Variants in FOXP2 observed in about 807,000 individuals in gnomAD.
FOXP2 encodes forkhead box protein P2.
Under a neutral mutation model 115.8 loss-of-function variants are expected in FOXP2, and 12 were observed. The ratio of observed to expected loss-of-function variants is 0.10; its 90% confidence interval spans 0.07 to 0.17. The LOEUF is 0.17. FOXP2 is among the 10% of genes least tolerant of loss of function. FOXP2 has a pLI of 1.00. For synonymous variants in FOXP2, 328 were observed against 297.7 expected (o/e 1.10, Z -1.05); for missense variants, 629 against 843.5 (o/e 0.75, Z 3.15).
chr7:114,594,865 AT>A (rs1349548220), intron 3 of FOXP2, among the ~76,000 whole-genome samples: 2 of 151,938 alleles, frequency 1.3e-5, no homozygotes, highest in Middle Eastern at 3.2e-3. Flanking sequence ...CTGAATATAT[AT>A]TTTTTTATAT....
At chr7:114,188,695 T>A (rs1232500542) in intron 1 of FOXP2, among the ~76,000 whole-genome samples, 1 of 152,166 alleles carries the variant, frequency 6.6e-6, no homozygotes, top group African/African-American at 2.4e-5. Context: ...GCTCAGGTGA[T>A]CTTCCCACCT....
At chr7:114,682,892 G>A (rs867961222) in intron 16 of FOXP2, among the ~76,000 whole-genome samples, 1 of 152,134 alleles carries the variant, frequency 6.6e-6, no homozygotes, top group South Asian at 2.1e-4. Flanking sequence ...CAATTTATAG[G>A]CATAGGTACT....
intron 1 of FOXP2, among the ~76,000 whole-genome samples, chr7:114,167,319 T>C (rs1793008729): frequency 6.6e-6 from 1 of 152,222 alleles, no homozygotes; most frequent in Non-Finnish European, 1.5e-5. Flanking sequence ...TGCTAAGTGA[T>C]TGAAGCTATA....
intron 1 of FOXP2, among the ~76,000 whole-genome samples, chr7:114,165,704 G>A (rs1419472679): frequency 6.6e-6 from 1 of 152,116 alleles, no homozygotes; most frequent in Non-Finnish European, 1.5e-5. Flanking sequence ...AAGTTGATAT[G>A]TATATTCAAC....
Position 114,128,970 on chromosome 7 carries a change from C to T in FOXP2, c.-246-33974C>T, listed in dbSNP as rs907602324. 1.6e-3 allele frequency among the ~76,000 whole-genome samples: 243 copies of T among 152,180 alleles called. 1 individual carries two copies. Among genetic ancestry groups the T allele is most frequent in the African/African-American group, 5.5e-3 (228 of 41,542 alleles). On this transcript the variant is annotated intron_variant, in intron 1 of 19. Coordinates refer to the FOXP2 transcript ENST00000635638. ...CTATTTCTTATTAGGACATAAAAAA[C>T]ACTCTCTGTGCTTCCTTTGGCTGCA... is the stretch of plus-strand genomic sequence containing the variant.
chr7:114,454,537 A>G (rs1406778154), intron 2 of FOXP2, among the ~76,000 whole-genome samples: 2 of 150,948 alleles, frequency 1.3e-5, no homozygotes, highest in Non-Finnish European at 2.9e-5. Context: ...CCAAAGGACT[A>G]TAAATCATGC....
chr7:114,480,492 C>G (rs969143788), intron 2 of FOXP2, among the ~76,000 whole-genome samples: 1 of 150,852 alleles, frequency 6.6e-6, no homozygotes, highest in African/African-American at 2.4e-5. Flanking sequence ...TAAATTGTCA[C>G]CATGACGCAG....
intron 6 of FOXP2, among the ~76,000 whole-genome samples, chr7:114,635,174 T>C (rs1805149961): frequency 6.6e-6 from 1 of 152,188 alleles, no homozygotes; most frequent in Non-Finnish European, 1.5e-5. Context: ...GTGCCGAAGA[T>C]AGTCTTTGGG....
At chr7:114,579,979 T>C (rs557802616) in intron 3 of FOXP2, among the ~76,000 whole-genome samples, 11 of 152,194 alleles carry the variant, frequency 7.2e-5, no homozygotes, top group Non-Finnish European at 1.3e-4. Flanking sequence ...AGAGGTTTAT[T>C]TGAGGTAAAG....
At chr7:114,565,186 T>A (rs911955561) in intron 3 of FOXP2, among the ~76,000 whole-genome samples, 60 of 151,360 alleles carry the variant, frequency 4.0e-4, no homozygotes, top group African/African-American at 1.3e-3. Flanking sequence ...AAAAAAAAAA[T>A]CAGGAGTCCA....
chr7:114,279,710 C>T (rs1266962755), intron 1 of FOXP2, among the ~76,000 whole-genome samples: 1 of 151,622 alleles, frequency 6.6e-6, no homozygotes, highest in Non-Finnish European at 1.5e-5. Context: ...AAATGTAATC[C>T]AGTGAATTGT....
At chr7:114,521,409 T>G (rs1192141983) in intron 2 of FOXP2, among the ~76,000 whole-genome samples, 1 of 151,744 alleles carries the variant, frequency 6.6e-6, no homozygotes, top group African/African-American at 2.4e-5. Context: ...GTAGCATGCC[T>G]CTAGTCCTAG....
intron 2 of FOXP2, among the ~76,000 whole-genome samples, chr7:114,430,756 A>G (rs1488746885): frequency 1.3e-5 from 2 of 151,888 alleles, no homozygotes; most frequent in Admixed American, 6.6e-5. Context: ...CTTTTTGATA[A>G]CCTAGAAAGA....
chr7:114,652,348 T>C lies in FOXP2; in HGVS notation c.1182+58T>C, dbSNP rs1806313315. The C allele has an allele frequency of 1.2e-5, 18 of 1,485,064 alleles. No individual in the cohort carries two copies. The Middle Eastern group carries it at 6.9e-4, about 57-fold the overall frequency. 92.0% of individuals were successfully genotyped at this position (1,485,064 alleles called of 1,614,324 possible). A position where few individuals can be genotyped will look rare whatever the true frequency, so the allele number is the denominator to read the frequency against. On this transcript the variant is annotated intron_variant, in intron 9 of 16. Coordinates refer to ENST00000350908, the MANE Select transcript of FOXP2 (RefSeq NM_014491.4). The stretch of plus-strand genomic sequence containing the variant: ...TAGATTTCTGGTGTGTTACATTGAG[T>C]ACTGAGCAGATTCTGGGTCTTTCAG...
chr7:114,310,718 C>T (rs1367193404), intron 2 of FOXP2, among the ~76,000 whole-genome samples: 1 of 151,876 alleles, frequency 6.6e-6, no homozygotes, highest in African/African-American at 2.4e-5. Flanking sequence ...GAGTGGGGGA[C>T]AAAGGGGTGA....
intron 2 of FOXP2, among the ~76,000 whole-genome samples, chr7:114,340,303 G>A (rs997601348): frequency 1.3e-5 from 2 of 150,998 alleles, no homozygotes; most frequent in African/African-American, 4.8e-5. Context: ...GCATCTATGT[G>A]TTGCCATATC....
Position 114,223,938 on chromosome 7 carries a change from C to T in FOXP2, c.-102+60850C>T, listed in dbSNP as rs145397098. On this transcript the variant is annotated intron_variant, in intron 1 of 17. Transcript: ENST00000634411. ...TATCCCACAATCACAAAGTTATTTT[C>T]CTTTATGTTCTTATAAAGGCTTCAA... 9.6e-3 allele frequency among the ~76,000 whole-genome samples: 1,461 copies of T among 151,868 alleles called. 33 individuals carry two copies. The highest frequency in any genetic ancestry group is 0.033 in the African/African-American group (1,385 of 41,458).
intron 1 of FOXP2, among the ~76,000 whole-genome samples, chr7:114,123,396 C>A (rs538867440): frequency 6.6e-6 from 1 of 150,796 alleles, no homozygotes; most frequent in Admixed American, 6.6e-5. Flanking sequence ...CAACAAGAAC[C>A]ACCATATTTC....
At chr7:114,292,538 C>T (rs182455045) in intron 2 of FOXP2, among the ~76,000 whole-genome samples, 8 of 152,236 alleles carry the variant, frequency 5.3e-5, no homozygotes, top group South Asian at 4.1e-4. Flanking sequence ...ACATGTTTTA[C>T]GCTTTCTTGC....
Sources: gnomAD v4.1 joint callset for allele counts (sites outside exome capture counted in the v4.1 genomes callset) on GRCh38, gnomAD v4.1.1 for gene constraint, MANE v1.5 for transcripts, NCBI Gene and HGNC (gene_info 2026-07-23, HGNC 2026-07-21) for gene names.